Variants in PPARGC1A observed in about 807,000 individuals in gnomAD.
PPARGC1A encodes peroxisome proliferator-activated receptor gamma coactivator 1-alpha.
In PPARGC1A, 25 loss-of-function variants were observed where a neutral mutation model predicts 88.7. The ratio of observed to expected loss-of-function variants is 0.28; its 90% CI spans 0.21 to 0.39. The LOEUF is 0.39. Among genes scored for constraint, PPARGC1A ranks in the 10% least tolerant of loss-of-function variants. The probability of loss-of-function intolerance (pLI) is 1.00; values close to 1 mark genes in which losing one functional copy is unlikely to be tolerated. For missense variants in PPARGC1A, 880 were observed against 968.7 expected (o/e 0.91, Z 1.22); for synonymous variants, 363 against 355.6 (o/e 1.02, Z -0.24).
the PPARGC1A span, among the ~76,000 whole-genome samples, chr4:24,206,602 C>T: frequency 6.6e-6 from 1 of 152,064 alleles, no homozygotes; most frequent in Admixed American, 6.5e-5. Flanking sequence ...GAGGCTGAGG[C>T]AGGTTGATCA....
the PPARGC1A span, among the ~76,000 whole-genome samples, chr4:24,286,784 G>A: frequency 6.6e-6 from 1 of 152,136 alleles, no homozygotes; most frequent in Non-Finnish European, 1.5e-5. Context: ...CCAGGAATCA[G>A]AGCAGCGTAG....
At chr4:24,396,530 C>T in the PPARGC1A span, among the ~76,000 whole-genome samples, 598 of 152,182 alleles carry the variant, frequency 3.9e-3, 5 homozygotes, top group African/African-American at 0.014. Flanking sequence ...GAAAGAATGC[C>T]GACATGGCTG....
chr4:23,905,864 A>G (rs1719969174), upstream of PPARGC1A, among the ~76,000 whole-genome samples: 1 of 152,186 alleles, frequency 6.6e-6, no homozygotes, highest in South Asian at 2.1e-4. Flanking sequence ...GAAAAATAGC[A>G]TTTTTTGTTT....
At chr4:23,952,024 C>G in the PPARGC1A span, among the ~76,000 whole-genome samples, 1 of 152,036 alleles carries the variant, frequency 6.6e-6, no homozygotes, top group Non-Finnish European at 1.5e-5. Context: ...ACACCCTGGC[C>G]CACGGTCACT....
intron 10 of PPARGC1A, among the ~76,000 whole-genome samples, chr4:23,807,414 C>A (rs1367528074): frequency 6.6e-6 from 1 of 152,144 alleles, no homozygotes; most frequent in Non-Finnish European, 1.5e-5. Context: ...GTGCTACTAT[C>A]CCTGCTTAGT....
chr4:24,355,232 A>T, the PPARGC1A span, among the ~76,000 whole-genome samples: 2 of 152,218 alleles, frequency 1.3e-5, no homozygotes, highest in Non-Finnish European at 2.9e-5. Flanking sequence ...TCTATAGCTT[A>T]TGAGGCATGG....
At chr4:24,471,409 T>G in the PPARGC1A span, among the ~76,000 whole-genome samples, 1 of 151,932 alleles carries the variant, frequency 6.6e-6, no homozygotes, top group African/African-American at 2.4e-5. This position sits in a 1 kb window ranked among gnomAD's most constrained non-coding sequence, Gnocchi z 5.4. Context: ...CAGCTCTACT[T>G]CCCCGCGTAG....
At chr4:24,136,457 A>G in the PPARGC1A span, among the ~76,000 whole-genome samples, 1 of 152,076 alleles carries the variant, frequency 6.6e-6, no homozygotes, top group Non-Finnish European at 1.5e-5. Context: ...AAGTTACTCA[A>G]CCCTCTCCGA....
chr4:24,197,501 T>C, the PPARGC1A span, among the ~76,000 whole-genome samples: 1 of 152,228 alleles, frequency 6.6e-6, no homozygotes, highest in African/African-American at 2.4e-5. Context: ...TGCTCACACC[T>C]TGACAATCTG....
chr4:24,074,432 A>AT, the PPARGC1A span, among the ~76,000 whole-genome samples: 3,519 of 150,062 alleles, frequency 0.023, 144 homozygotes, highest in African/African-American at 0.074. Context: ...ATTCAGAATA[A>AT]TTTTTTTTTT....
chr4:24,331,285 T>C, the PPARGC1A span, among the ~76,000 whole-genome samples: 1 of 152,160 alleles, frequency 6.6e-6, no homozygotes, highest in Admixed American at 6.5e-5. Flanking sequence ...GAATACGCTT[T>C]CTTAGCTTTC....
chr4:24,128,410 A>C, the PPARGC1A span, among the ~76,000 whole-genome samples: 1 of 152,158 alleles, frequency 6.6e-6, no homozygotes, highest in Non-Finnish European at 1.5e-5. Context: ...ATTTTAGATT[A>C]TTATGATTTG....
the PPARGC1A span, among the ~76,000 whole-genome samples, chr4:24,227,578 A>G: frequency 1.3e-5 from 2 of 152,370 alleles, no homozygotes; most frequent in East Asian, 1.9e-4. Context: ...TGCCAAGTTT[A>G]TCAGTCATGG....
the PPARGC1A span, among the ~76,000 whole-genome samples, chr4:24,304,778 A>G: frequency 1.3e-5 from 2 of 152,182 alleles, no homozygotes; most frequent in African/African-American, 4.8e-5. Context: ...CAAATGGAGA[A>G]ACATGGCCTC....
At chr4:24,349,603 C>G in the PPARGC1A span, among the ~76,000 whole-genome samples, 2 of 152,090 alleles carry the variant, frequency 1.3e-5, no homozygotes, top group Non-Finnish European at 2.9e-5. Flanking sequence ...AGTCACAGGC[C>G]TCACCCAGCT....
At chr4:23,959,253 G>T in the PPARGC1A span, among the ~76,000 whole-genome samples, 1 of 152,104 alleles carries the variant, frequency 6.6e-6, no homozygotes, top group African/African-American at 2.4e-5. Context: ...AGAGAGCTAA[G>T]CAGGGAACAA....
chr4:23,796,841 A>G (rs865901631), intron 12 of PPARGC1A, among the ~76,000 whole-genome samples: 6 of 152,120 alleles, frequency 3.9e-5, no homozygotes, highest in African/African-American at 1.4e-4. Flanking sequence ...ATTCTGGAAA[A>G]CTAACAATTC....
At chr4:24,177,635 A>G in the PPARGC1A span, among the ~76,000 whole-genome samples, 2 of 120,744 alleles carry the variant, frequency 1.7e-5, no homozygotes, top group Non-Finnish European at 3.3e-5. Context: ...AAATAAATAA[A>G]TAAATAAATA....
At chr4:24,274,060 G>T in the PPARGC1A span, among the ~76,000 whole-genome samples, 1 of 151,940 alleles carries the variant, frequency 6.6e-6, no homozygotes, top group Non-Finnish European at 1.5e-5. Context: ...TTAAAGTCCT[G>T]TGGGGCAGCA....
Sources: gnomAD v4.1 joint callset for allele counts (sites outside exome capture counted in the v4.1 genomes callset) on GRCh38, gnomAD v4.1.1 for gene constraint, Gnocchi (gnomAD v3.1) non-coding constraint, MANE v1.5 for transcripts, NCBI Gene and HGNC (gene_info 2026-07-23, HGNC 2026-07-21) for gene names.